The following TSC22D3 variants were observed in gnomAD, a reference collection of about 807,000 sequenced individuals.
TSC22D3 encodes TSC22 domain family member 3.
A neutral mutation model predicts 11.1 loss-of-function variants in TSC22D3; 4 were observed. The ratio of observed to expected loss-of-function variants is 0.36; its 90% CI spans 0.18 to 0.83. TSC22D3 has a LOEUF of 0.83. Ranked by LOEUF, TSC22D3 falls within the 40% of genes least tolerant of loss-of-function variation. TSC22D3 has a pLI of 0.48. For synonymous variants in TSC22D3, 77 were observed against 70.3 expected (o/e 1.10, Z -0.48); for missense variants, 118 against 159.4 (o/e 0.74, Z 1.40).
chrX:107,716,157 C>A, intron 1 of TSC22D3: 1 of 647,884 alleles, frequency 1.5e-6, no homozygotes, highest in South Asian at 3.4e-5. Context: ...GCCGGCTCAG[C>A]GCTGCTGCCG....
At chrX:107,761,703 G>A (rs952872958) in intron 1 of TSC22D3, among the ~76,000 whole-genome samples, 10 of 111,680 alleles carry the variant, frequency 9.0e-5, no homozygotes, top group African/African-American at 3.3e-4. Context: ...CCTTTGGAGA[G>A]TCACTCGCCT....
intron 1 of TSC22D3, among the ~76,000 whole-genome samples, chrX:107,742,278 AGAAAG>A: frequency 1.6e-5 from 1 of 64,212 alleles, no homozygotes; most frequent in Non-Finnish European, 2.8e-5. Context: ...AGAGAGAGAG[AGAAAG>A]AGAGAGAGAG....
chrX:107,730,221 A>G (rs1927820861), intron 1 of TSC22D3, among the ~76,000 whole-genome samples: 1 of 112,294 alleles, frequency 8.9e-6, no homozygotes, highest in Non-Finnish European at 1.9e-5. Flanking sequence ...GCCTGGGATT[A>G]CACAGCAAGC....
intron 1 of TSC22D3, among the ~76,000 whole-genome samples, chrX:107,766,460 C>A (rs894131313): frequency 3.1e-5 from 3 of 96,945 alleles, no homozygotes; most frequent in Non-Finnish European, 6.2e-5. Flanking sequence ...CCGCCCCCCC[C>A]CCAACAACTC....
chrX:107,713,423 C>T lies in TSC22D3; in HGVS notation c.*1096G>A, dbSNP rs760584096. ...CAAAGCCATCCCCTTGTTCATCCCT[C>T]ATCCACAGTAGGACACCATCCTTCT... is the stretch of plus-strand genomic sequence containing the variant. On this transcript the variant is annotated 3_prime_UTR_variant, in exon 3 of 3. Transcript: ENST00000372383. 2.1e-4 allele frequency: 24 copies of T among 112,457 alleles called. No individual in the cohort carries two copies. The highest frequency in any genetic ancestry group is 7.5e-4 in the African/African-American group (23 of 30,791). 9.3% of individuals were successfully genotyped at this position (112,457 alleles called of 1,213,427 possible). A position where few individuals can be genotyped will look rare whatever the true frequency, so the allele number is the denominator to read the frequency against.
At chrX:107,748,525 G>C (rs189394142) in intron 1 of TSC22D3, among the ~76,000 whole-genome samples, 1 of 111,627 alleles carries the variant, frequency 9.0e-6, no homozygotes, top group Non-Finnish European at 1.9e-5. Context: ...CACAAATAAG[G>C]CTGGTGGATC....
In TSC22D3 at chrX:107,762,846, C is replaced by CTTTT. The variant is rs1170456785; in HGVS notation, c.320+12250_320+12253dup. 3.3e-4 allele frequency among the ~76,000 whole-genome samples: 15 copies of CTTTT among 44,781 alleles called. 1 individual carries two copies. The highest frequency in any genetic ancestry group is 4.9e-4 in the Non-Finnish European group (11 of 22,610). 38.9% of individuals were successfully genotyped at this position (44,781 alleles called of 115,157 possible). Reference sequence around the variant, plus strand: ...AAAAAAAAAAAAACCTGCACATGTACTTTTTTTTTTTTTTTTTTTTTTTTT... The same window carrying CTTTT: ...AAAAAAAAAAAAACCTGCACATGTACTTTTTTTTTTTTTTTTTTTTTTTTTTTTT... On this transcript the variant is annotated intron_variant, in intron 1 of 2. Coordinates refer to ENST00000372383, the MANE Select transcript of TSC22D3 (RefSeq NM_198057.3).
intron 1 of TSC22D3, among the ~76,000 whole-genome samples, chrX:107,762,749 G>C (rs1319088829): frequency 9.9e-6 from 1 of 101,018 alleles, no homozygotes; most frequent in African/African-American, 3.7e-5. Context: ...GTTTCCTCTT[G>C]TTCTCTTCCC....
chrX:107,759,869 G>T (rs1291323982), intron 1 of TSC22D3, among the ~76,000 whole-genome samples: 1 of 112,929 alleles, frequency 8.9e-6, no homozygotes, highest in African/African-American at 3.2e-5. Context: ...TGCTCAAGGA[G>T]CCTCAGGGCC....
chrX:107,770,508 T>G (rs779536774), intron 1 of TSC22D3, among the ~76,000 whole-genome samples: 4 of 112,075 alleles, frequency 3.6e-5, no homozygotes, highest in African/African-American at 1.3e-4. Context: ...ATAAAGCAAT[T>G]AGAAATGTTT....
chrX:107,772,998 G>T (rs753047249), intron 1 of TSC22D3, among the ~76,000 whole-genome samples: 2 of 112,650 alleles, frequency 1.8e-5, no homozygotes, highest in African/African-American at 6.4e-5. Flanking sequence ...GGTTTTGAAC[G>T]CTGAGTGAGT....
At chrX:107,717,142 CT>C (rs781347987) in intron 1 of TSC22D3, 84 of 798,213 alleles carry the variant, frequency 1.1e-4, no homozygotes, top group Non-Finnish European at 1.2e-4. Flanking sequence ...CAAATGAGTC[CT>C]GTACCGGGCT....
At chrX:107,739,820 A>G (rs1928312351) in intron 1 of TSC22D3, among the ~76,000 whole-genome samples, 1 of 112,239 alleles carries the variant, frequency 8.9e-6, no homozygotes, top group African/African-American at 3.2e-5. Context: ...ACACATAATT[A>G]CTGAAGTGTC....
At chrX:107,749,178 TACACACACACAC>T (rs61681572) in intron 1 of TSC22D3, among the ~76,000 whole-genome samples, 1,249 of 87,117 alleles carry the variant, frequency 0.014, 14 homozygotes, top group Non-Finnish European at 0.016. Flanking sequence ...CTACTAAAAA[TACACACACACAC>T]ACACACACAC....
At chrX:107,719,177 G>A (rs1927207730) in intron 1 of TSC22D3, among the ~76,000 whole-genome samples, 1 of 111,891 alleles carries the variant, frequency 8.9e-6, no homozygotes, top group South Asian at 3.7e-4. Context: ...AGGAAAACAG[G>A]GCACAGGACA....
intron 1 of TSC22D3, among the ~76,000 whole-genome samples, chrX:107,730,929 A>G (rs938891660): frequency 6.3e-5 from 7 of 111,759 alleles, no homozygotes; most frequent in African/African-American, 2.3e-4. Context: ...TGCCTTCCTT[A>G]GCAATGCCCG....
intron 1 of TSC22D3, among the ~76,000 whole-genome samples, chrX:107,743,768 C>T (rs1157620778): frequency 1.8e-5 from 2 of 112,215 alleles, no homozygotes; most frequent in Non-Finnish European, 3.8e-5. Context: ...CTACCCAGGG[C>T]TCAAGCTCTG....
At chrX:107,774,984 A>G in intron 1 of TSC22D3, 116 bp downstream of exon 1, 7 of 868,850 alleles carry the variant, frequency 8.1e-6, no homozygotes, top group Non-Finnish European at 9.7e-6. Flanking sequence ...AGCCTGAGTC[A>G]GACCTCCCCA....
chrX:107,760,200 C>A (rs369538908), intron 1 of TSC22D3, among the ~76,000 whole-genome samples: 1 of 112,954 alleles, frequency 8.9e-6, no homozygotes, highest in African/African-American at 3.2e-5. Context: ...GTGGCTGTGG[C>A]ATGCAGCCCC....
Sources: allele counts gnomAD v4.1 joint callset (sites outside exome capture counted in the v4.1 genomes callset), GRCh38; gene constraint gnomAD v4.1.1; transcripts MANE v1.5; gene names NCBI Gene and HGNC (gene_info 2026-07-23, HGNC 2026-07-21).